Variants in GNL3L observed in about 807,000 individuals in gnomAD.
GNL3L encodes G protein nucleolar 3 like.
In GNL3L, 4 loss-of-function variants were observed where a neutral mutation model predicts 42.9. The ratio of observed to expected loss-of-function variants is 0.09; its 90% CI spans 0.05 to 0.21. The LOEUF is 0.21. GNL3L is among the 10% of genes least tolerant of loss of function. The pLI is 1.00. For missense variants in GNL3L, 412 were observed against 481.7 expected (o/e 0.86, Z 1.36); for synonymous variants, 159 against 176.3 (o/e 0.90, Z 0.78).
At chrX:54,593,623 C>T (rs1403782847) in intron 16 of GNL3L, among the ~76,000 whole-genome samples, 1 of 109,647 alleles carries the variant, frequency 9.1e-6, no homozygotes, top group Non-Finnish European at 1.9e-5. Context: ...TGGTCCTTAT[C>T]ATTTCTTTTC....
intron 16 of GNL3L, among the ~76,000 whole-genome samples, chrX:54,604,719 A>G (rs761635384): frequency 2.2e-4 from 25 of 112,216 alleles, no homozygotes; most frequent in Non-Finnish European, 4.1e-4. Context: ...TATGAACAGC[A>G]GAACTCTGAA....
At chrX:54,608,669 GC>G (rs1926129286) in intron 16 of GNL3L, among the ~76,000 whole-genome samples, 1 of 111,979 alleles carries the variant, frequency 8.9e-6, no homozygotes, top group Non-Finnish European at 1.9e-5. Flanking sequence ...CCAGGTCACT[GC>G]AAATACTGTT....
At chrX:54,539,452 A>G (rs1299330819) in intron 3 of GNL3L, among the ~76,000 whole-genome samples, 1 of 111,070 alleles carries the variant, frequency 9.0e-6, no homozygotes, top group Non-Finnish European at 1.9e-5. Context: ...GGAGGCCAAA[A>G]CATCATCTTT....
chrX:54,603,504 G>T (rs1048100151), intron 16 of GNL3L, among the ~76,000 whole-genome samples: 2 of 111,425 alleles, frequency 1.8e-5, no homozygotes, highest in Non-Finnish European at 3.8e-5. Flanking sequence ...AAAGGTAAAA[G>T]AATAAATTTA....
intron 7 of GNL3L, chrX:54,543,977 A>T (rs745515147): frequency 8.1e-5 from 25 of 309,333 alleles, no homozygotes; most frequent in Non-Finnish European, 1.2e-4. Flanking sequence ...ATTTGGGACC[A>T]GATAGCTAGT....
intron 16 of GNL3L, among the ~76,000 whole-genome samples, chrX:54,594,838 T>G (rs1925914353): frequency 8.9e-6 from 1 of 111,751 alleles, no homozygotes; most frequent in Non-Finnish European, 1.9e-5. Flanking sequence ...AACCCATTAT[T>G]TTAAGCTGAT....
At position 54,565,586 on chromosome X, in the gene GNL3L, C is replaced by T. The variant is rs1448037864; in HGVS notation, c.*4984C>T. On this transcript the variant is annotated 3_prime_UTR_variant, in exon 16 of 16. Coordinates refer to ENST00000360845, the MANE Select transcript of GNL3L (RefSeq NM_001184819.2). ...CTGGCCTCAAGTAATCCTCCCATCT[C>T]GGTCTCCCAAAGTGCTAGGATTACA... Among the ~76,000 whole-genome samples, 2 of 111,038 alleles carry T rather than the reference C, an allele frequency of 1.8e-5. No individual in the cohort carries two copies. The highest frequency in any genetic ancestry group is 3.8e-5 in the Non-Finnish European group (2 of 53,051).
intron 16 of GNL3L, among the ~76,000 whole-genome samples, chrX:54,604,844 T>G (rs915286851): frequency 1.8e-5 from 2 of 111,775 alleles, no homozygotes; most frequent in African/African-American, 6.5e-5. Context: ...TAATAATAGC[T>G]CCAACCTAAA....
At chrX:54,627,854 C>T in the GNL3L span, among the ~76,000 whole-genome samples, 3 of 110,810 alleles carry the variant, frequency 2.7e-5, no homozygotes, top group Non-Finnish European at 5.7e-5. Context: ...ATTTTTATTT[C>T]AATAGTTTTT....
the GNL3L span, among the ~76,000 whole-genome samples, chrX:54,628,008 C>T: frequency 1.8e-5 from 2 of 110,368 alleles, no homozygotes; most frequent in Non-Finnish European, 3.8e-5. Context: ...CCCCTCCCTC[C>T]CTTCCCCCTA....
At chrX:54,597,383 C>T (rs1272880965) in intron 16 of GNL3L, among the ~76,000 whole-genome samples, 3 of 111,303 alleles carry the variant, frequency 2.7e-5, no homozygotes, top group African/African-American at 9.8e-5. Flanking sequence ...TGACGTATGC[C>T]TTATCTTGTG....
intron 16 of GNL3L, among the ~76,000 whole-genome samples, chrX:54,604,998 G>A (rs895427317): frequency 1.8e-5 from 2 of 111,340 alleles, no homozygotes; most frequent in African/African-American, 6.5e-5. Flanking sequence ...TATGTGGCAG[G>A]ATCCCAGGAA....
intron 1 of GNL3L, among the ~76,000 whole-genome samples, chrX:54,530,880 A>G (rs780839953): frequency 2.7e-5 from 3 of 111,166 alleles, no homozygotes; most frequent in African/African-American, 9.8e-5. Context: ...GAAACATTTA[A>G]TATACAGAGG....
intron 16 of GNL3L, among the ~76,000 whole-genome samples, chrX:54,590,756 G>GATTTATTTATTTATTT (rs1244221353): frequency 8.7e-4 from 97 of 111,064 alleles, no homozygotes; most frequent in African/African-American, 2.9e-3. Flanking sequence ...TGAGGTCTTA[G>GATTTATTTATTTATTT]ATTTATGTAT....
At chrX:54,641,437 TA>T in the GNL3L span, among the ~76,000 whole-genome samples, 1 of 111,691 alleles carries the variant, frequency 9.0e-6, no homozygotes, top group Non-Finnish European at 1.9e-5. Flanking sequence ...AGAGGTGGCA[TA>T]ATGTTACCGT....
intron 16 of GNL3L, among the ~76,000 whole-genome samples, chrX:54,586,213 G>T (rs1182660632): frequency 9.0e-6 from 1 of 111,364 alleles, no homozygotes; most frequent in Non-Finnish European, 1.9e-5. Context: ...GGATAAGTGA[G>T]AGACCCTAGC....
Position 54,552,289 on chromosome X carries a change from C to T in GNL3L, c.1182-3C>T, listed in dbSNP as rs1924967847. 8.3e-7 allele frequency: 1 copy of T among 1,206,768 alleles called. No homozygotes were observed. The highest frequency in any genetic ancestry group is 3.0e-5 in the East Asian group (1 of 33,820). ...CACTCATCTCCCCTATCTCCCAATG[C>T]AGCGGGAAGATCAGCTTCTATATAC... On this transcript the variant is annotated splice_region_variant and splice_polypyrimidine_tract_variant and intron_variant, in intron 12 of 15. Coordinates refer to ENST00000360845, the MANE Select transcript of GNL3L (RefSeq NM_001184819.2).
At chrX:54,631,943 C>T in the GNL3L span, among the ~76,000 whole-genome samples, 1 of 111,827 alleles carries the variant, frequency 8.9e-6, no homozygotes, top group Non-Finnish European at 1.9e-5. Context: ...CTCCTTATAG[C>T]AGTTCTTGCA....
At chrX:54,554,153 T>C (rs1925018667) in intron 13 of GNL3L, among the ~76,000 whole-genome samples, 1 of 110,489 alleles carries the variant, frequency 9.1e-6, no homozygotes, top group Non-Finnish European at 1.9e-5. Flanking sequence ...AGTGGGCACA[T>C]CTGAGGGTTG....
Sources: gnomAD v4.1 joint callset for allele counts (sites outside exome capture counted in the v4.1 genomes callset) on GRCh38, gnomAD v4.1.1 for gene constraint, MANE v1.5 for transcripts, NCBI Gene and HGNC (gene_info 2026-07-23, HGNC 2026-07-21) for gene names.